Variants in ASPSCR1 observed in about 807,000 individuals in gnomAD.
ASPSCR1 encodes tether containing UBX domain for GLUT4.
ASPSCR1 carries 55 observed loss-of-function variants against 68.9 expected under a neutral mutation model. That is an observed-to-expected ratio of 0.80 (90% confidence interval 0.64 to 1.00). The LOEUF (loss-of-function observed/expected upper bound fraction) is 1.00. Among genes scored for constraint, ASPSCR1 ranks in the 50% least tolerant of loss-of-function variants. The pLI is 0.00. For missense variants in ASPSCR1, 765 were observed against 762.2 expected, an observed-to-expected ratio of 1.00 and a Z score of -0.04; for synonymous variants, 352 against 332.6, an observed-to-expected ratio of 1.06 and a Z score of -0.63.
chr17:81,980,229 C>T (rs1567951062), intron 2 of ASPSCR1, among the ~76,000 whole-genome samples: 1 of 152,230 alleles, frequency 6.6e-6, no homozygotes, highest in Non-Finnish European at 1.5e-5. Flanking sequence ...GATCCGCCTG[C>T]CTTGGCCTCC....
At chr17:81,992,729 C>G (rs1235106660) in intron 4 of ASPSCR1, among the ~76,000 whole-genome samples, 1 of 152,262 alleles carries the variant, frequency 6.6e-6, no homozygotes, top group Admixed American at 6.5e-5. Context: ...TTTTCCTGAG[C>G]CCTGCGTCTC....
Position 81,977,785 on chromosome 17 carries a change from CG to C in ASPSCR1, c.102+43del, listed in dbSNP as rs986219126. On this transcript the variant is annotated intron_variant, in intron 1 of 15. Transcript: ENST00000306739. The surrounding 1 kb of genome is among the most constrained non-coding windows in gnomAD (Gnocchi z 5.0). Reference sequence around the variant, plus strand: ...CGCCCGGGGCGGACGGGTAGGCGGGCGGGGGGCGCTGCGCCGAGGCCCCGCC... The same window carrying C: ...CGCCCGGGGCGGACGGGTAGGCGGGCGGGGGCGCTGCGCCGAGGCCCCGCC... 3.3e-6 allele frequency: 4 copies of C among 1,204,394 alleles called. No homozygotes were observed. Among genetic ancestry groups the C allele is most frequent in the African/African-American group, 3.2e-5 (2 of 63,096 alleles). 74.6% of individuals were successfully genotyped at this position (1,204,394 alleles called of 1,614,324 possible).
intron 12 of ASPSCR1, chr17:82,015,265 T>C (rs2043083053): frequency 6.3e-7 from 1 of 1,598,228 alleles, no homozygotes; most frequent in Non-Finnish European, 8.5e-7. Context: ...TGCCACCCAG[T>C]CTGCCGACCC....
Position 81,990,066 on chromosome 17 carries a change from C to A in ASPSCR1, c.374+4459C>A, listed in dbSNP as rs1296650461. Among the ~76,000 whole-genome samples the A allele has an allele frequency of 6.6e-6, 1 of 152,238 alleles. No individual in the cohort carries two copies. The highest frequency in any genetic ancestry group is 2.4e-5 in the African/African-American group (1 of 41,458). On this transcript the variant is annotated intron_variant, in intron 4 of 15. Coordinates refer to ENST00000306739, the MANE Select transcript of ASPSCR1 (RefSeq NM_024083.4). The surrounding 1 kb of genome is among the most constrained non-coding windows in gnomAD (Gnocchi z 4.1). ...CTGAGATTACAGGCGTGAGCCACCACACCTGGCCAATCACTCACTTTTTCT... is the reference window on the plus strand; with the variant it reads ...CTGAGATTACAGGCGTGAGCCACCAAACCTGGCCAATCACTCACTTTTTCT...
intron 7 of ASPSCR1, among the ~76,000 whole-genome samples, chr17:82,000,638 TAAATA>T (rs1385218915): frequency 6.6e-6 from 1 of 152,106 alleles, no homozygotes; most frequent in East Asian, 1.9e-4. Context: ...TTTTTGGACT[TAAATA>T]AAGAGTCAGA....
rs745967501 is a variant in ASPSCR1 at position 82,009,480 on chromosome 17, C to T, written c.1089-6C>T. ...GAAGCCCTGTTCCTTCCCCTCCTCA[C>T]CACAGGAAGCGCCTGGAAGAAGCCC... On this transcript the variant is annotated splice_polypyrimidine_tract_variant and splice_region_variant and intron_variant, in intron 8 of 15. Coordinates refer to ENST00000306739, the MANE Select transcript of ASPSCR1 (RefSeq NM_024083.4). 6.4e-7 allele frequency: 1 copy of T among 1,573,206 alleles called. No homozygotes were observed. The highest frequency in any genetic ancestry group is 2.4e-5 in the East Asian group (1 of 42,298).
chr17:81,993,972 T>C (rs556313839), intron 4 of ASPSCR1, among the ~76,000 whole-genome samples: 1 of 152,250 alleles, frequency 6.6e-6, no homozygotes, highest in African/African-American at 2.4e-5. Flanking sequence ...GAGGGGCATC[T>C]GCAAGGAAGG....
intron 4 of ASPSCR1, among the ~76,000 whole-genome samples, chr17:81,988,333 T>C (rs919065894): frequency 1.3e-5 from 2 of 151,700 alleles, no homozygotes; most frequent in Non-Finnish European, 2.9e-5. Context: ...CAATGGCTCA[T>C]GCTTGTAGTC....
chr17:82,016,493 C>G lies in ASPSCR1; in HGVS notation c.1371C>G (p.Ala457=), dbSNP rs369843263. 6 of 1,548,830 alleles carry G rather than the reference C, an allele frequency of 3.9e-6. No homozygotes were observed. The East Asian group carries it at 7.3e-5, about 19-fold the overall frequency. The change falls in exon 13 of 16, where the codon GCC becomes GCG. Residue 457 remains alanine (A), a synonymous_variant. Transcript: ENST00000306739. ...CCCTGCAGGCGAACCTCTTCCCGGC[C>G]GCTCTGGTGCACTTGGGAGCCGAGG... The part of the protein sequence containing the change: ...QTLFQANLFP[A]ALVHLGAEEP...
At position 81,996,444 on chromosome 17, in the gene ASPSCR1, C is replaced by T. The variant is rs745744274; in HGVS notation, c.531C>T (p.Pro177=). The T allele has an allele frequency of 1.4e-5, 22 of 1,600,946 alleles. No individual in the cohort carries two copies. In the East Asian group the frequency reaches 1.8e-4, roughly 13 times the overall value. ...TIRFVMKCYD[P]VGKTPGSLGS... is the part of the protein sequence containing the mutation. Reference sequence around the variant, plus strand: ...GGTTTGTCATGAAGTGCTACGACCCCGTGGGCAAGACCCCAGGAAGCCTGG... The same window carrying T: ...GGTTTGTCATGAAGTGCTACGACCCTGTGGGCAAGACCCCAGGAAGCCTGG... Residue 177 remains proline (P), a synonymous_variant, in exon 7 of 16, where the codon CCC becomes CCT. Coordinates refer to ENST00000306739, the MANE Select transcript of ASPSCR1 (RefSeq NM_024083.4).
intron 3 of ASPSCR1, among the ~76,000 whole-genome samples, chr17:81,984,809 A>T (rs569005515): frequency 7.5e-6 from 1 of 132,794 alleles, no homozygotes; most frequent in East Asian, 2.3e-4. Context: ...ACACCCACAT[A>T]CCCGCACACC....
chr17:82,002,143 T>C (rs2042556400), intron 7 of ASPSCR1, among the ~76,000 whole-genome samples: 1 of 150,348 alleles, frequency 6.7e-6, no homozygotes, highest in Non-Finnish European at 1.5e-5. Context: ...TGTGAGCCAC[T>C]GCACCTGGCC....
chr17:82,003,512 C>A (rs1237300814), intron 7 of ASPSCR1, among the ~76,000 whole-genome samples: 1 of 152,254 alleles, frequency 6.6e-6, no homozygotes, highest in Non-Finnish European at 1.5e-5. Context: ...TGGCCACTCG[C>A]TGGCAGGCCC....
chr17:81,985,201 CACAT>C (rs1467676678), intron 3 of ASPSCR1, among the ~76,000 whole-genome samples: 3 of 150,420 alleles, frequency 2.0e-5, no homozygotes, highest in East Asian at 2.0e-4. Context: ...CACATCCACA[CACAT>C]ACCTGCACAC....
Position 81,983,450 on chromosome 17 carries a change from C to T in ASPSCR1, c.159-104C>T, listed in dbSNP as rs1395939862. 20 of 911,416 alleles carry T rather than the reference C, an allele frequency of 2.2e-5. No homozygotes were observed. In the East Asian group the frequency reaches 3.5e-4, roughly 16 times the overall value. 56.5% of individuals were successfully genotyped at this position (911,416 alleles called of 1,614,324 possible). On this transcript the variant is annotated intron_variant, in intron 2 of 15. Transcript: ENST00000306739. The surrounding 1 kb of genome is among the most constrained non-coding windows in gnomAD (Gnocchi z 4.4). Reference sequence around the variant, plus strand: ...CTGCCACAGGACGTGGATGGCGGGGCGTGGATGGCGGGGCGTGGATGGTGG... The same window carrying T: ...CTGCCACAGGACGTGGATGGCGGGGTGTGGATGGCGGGGCGTGGATGGTGG...
chr17:81,992,712 C>A (rs1166305616), intron 4 of ASPSCR1, among the ~76,000 whole-genome samples: 1 of 152,244 alleles, frequency 6.6e-6, no homozygotes, highest in Non-Finnish European at 1.5e-5. Flanking sequence ...CATTTTGAGG[C>A]CTTGTGTTTT....
At chr17:82,003,375 G>A (rs1378456177) in intron 7 of ASPSCR1, among the ~76,000 whole-genome samples, 3 of 152,230 alleles carry the variant, frequency 2.0e-5, no homozygotes, top group Admixed American at 2.0e-4. Context: ...CTGAGCCTGA[G>A]AGATCAAGAC....
intron 3 of ASPSCR1, among the ~76,000 whole-genome samples, chr17:81,985,117 C>T (rs1033097742): frequency 1.3e-5 from 2 of 150,864 alleles, no homozygotes; most frequent in Middle Eastern, 3.4e-3. Flanking sequence ...CACACACCTG[C>T]ATGTAAACAT....
rs531233905 is a variant in ASPSCR1 at position 82,016,655 on chromosome 17, C to T, written c.1405+128C>T. The T allele has an allele frequency of 7.3e-5, 105 of 1,442,198 alleles. No individual in the cohort carries two copies. The African/African-American group carries it at 1.3e-3, about 18-fold the overall frequency. 89.3% of individuals were successfully genotyped at this position (1,442,198 alleles called of 1,614,324 possible). On this transcript the variant is annotated intron_variant, in intron 13 of 15. Transcript: ENST00000306739. ...GTCTGAGAGGGAGATCTGCGGCCCC[C>T]AGTAACCACCTCCCCGAGAGAGGAC...
Sources: gnomAD v4.1 joint callset for allele counts (sites outside exome capture counted in the v4.1 genomes callset) on GRCh38, gnomAD v4.1.1 for gene constraint, Gnocchi (gnomAD v3.1) non-coding constraint, MANE v1.5 for transcripts, NCBI Gene and HGNC (gene_info 2026-07-23, HGNC 2026-07-21) for gene names.